The following DMXL1 variants were observed in gnomAD, a reference collection of about 807,000 sequenced individuals.
The protein encoded by DMXL1 is Dmx like 1.
A neutral mutation model predicts 319.2 loss-of-function variants in DMXL1; 99 were observed. The ratio of observed to expected loss-of-function variants is 0.31; its 90% CI spans 0.26 to 0.37. The LOEUF (loss-of-function observed/expected upper bound fraction) is 0.37. Among genes scored for constraint, DMXL1 ranks in the 10% least tolerant of loss-of-function variants. The probability of loss-of-function intolerance (pLI) is 1.00; values close to 1 mark genes in which losing one functional copy is unlikely to be tolerated. For missense variants in DMXL1, 3,745 were observed against 3,595.6 expected (o/e 1.04, Z -1.06); for synonymous variants, 1,385 against 1,235.2 (o/e 1.12, Z -2.54).
At chr5:119,210,113 T>C (rs906590963) in intron 34 of DMXL1, among the ~76,000 whole-genome samples, 1 of 151,924 alleles carries the variant, frequency 6.6e-6, no homozygotes, top group Non-Finnish European at 1.5e-5. Context: ...CCCGGCTAAT[T>C]TTTATATTTT....
rs771742385 is a variant in DMXL1, at chr5:119,120,966, C to T, written c.934-5C>T. 4.4e-6 allele frequency: 7 copies of T among 1,602,552 alleles called. No homozygotes were observed. In the South Asian group the frequency reaches 7.9e-5, roughly 18 times the overall value. On this transcript the variant is annotated splice_region_variant and splice_polypyrimidine_tract_variant and intron_variant, in intron 8 of 43. Transcript: ENST00000539542. Reference sequence around the variant, plus strand: ...TAGGTATTAGTTTTGTTTCTATTCACACAGGTAAATCTGAGACATTTTCGT... The same window carrying T: ...TAGGTATTAGTTTTGTTTCTATTCATACAGGTAAATCTGAGACATTTTCGT...
chr5:119,151,875 C>G (rs919340436), intron 18 of DMXL1, 54 bp from the exon 19 acceptor site: 8 of 1,213,174 alleles, frequency 6.6e-6, no homozygotes, highest in South Asian at 1.2e-5. Flanking sequence ...ATTGGGTGTT[C>G]TTTTGCTTAC....
Position 119,166,607 on chromosome 5 carries a change from C to A in DMXL1, c.4971-9C>A. On this transcript the variant is annotated splice_polypyrimidine_tract_variant and intron_variant, in intron 21 of 43. Transcript: ENST00000539542. ...CCAAAATTTTCACACCATTTTTTTT[C>A]CTTTATAGAGCTGAAAAAAACACCA... 1 of 1,579,634 alleles carries A rather than the reference C, an allele frequency of 6.3e-7. No homozygotes were observed. The highest frequency in any genetic ancestry group is 1.2e-5 in the South Asian group (1 of 83,322).
intron 31 of DMXL1, among the ~76,000 whole-genome samples, chr5:119,197,191 A>G (rs868666053): frequency 3.9e-5 from 6 of 152,188 alleles, no homozygotes; most frequent in African/African-American, 1.4e-4. Flanking sequence ...GTTATATGCC[A>G]TACAGAAATT....
At chr5:119,143,773 A>G in intron 13 of DMXL1, 68 bp from the exon 14 acceptor site, 1 of 1,064,338 alleles carries the variant, frequency 9.4e-7, no homozygotes, top group Non-Finnish European at 1.4e-6. Flanking sequence ...TATGCTTGAA[A>G]TTTTGTTATT....
chr5:119,204,558 GTT>G (rs746507917), intron 33 of DMXL1, among the ~76,000 whole-genome samples: 3 of 137,590 alleles, frequency 2.2e-5, no homozygotes, highest in African/African-American at 5.3e-5. Flanking sequence ...ATCATAATGG[GTT>G]TTTTTTTTTT....
intron 24 of DMXL1, 22 bp downstream of exon 24, chr5:119,171,302 C>CA (rs1429919184): frequency 6.4e-7 from 1 of 1,552,012 alleles, no homozygotes; most frequent in Non-Finnish European, 8.7e-7. Flanking sequence ...ACTTGATAGT[C>CA]AAAAATGGTA....
intron 35 of DMXL1, among the ~76,000 whole-genome samples, chr5:119,220,228 A>G (rs1008593509): frequency 1.3e-5 from 2 of 152,166 alleles, no homozygotes; most frequent in Non-Finnish European, 2.9e-5. Context: ...CAGTACTGGG[A>G]GAGGAAATAA....
chr5:119,177,234 A>C, intron 26 of DMXL1, 123 bp from the exon 27 acceptor site: 1 of 565,040 alleles, frequency 1.8e-6, no homozygotes, highest in Non-Finnish European at 3.0e-6. Context: ...TGTACATTAT[A>C]TTACTTAGAT....
At chr5:119,076,259 A>G (rs1489210908) in intron 1 of DMXL1, among the ~76,000 whole-genome samples, 3 of 152,236 alleles carry the variant, frequency 2.0e-5, no homozygotes, top group Admixed American at 6.5e-5. Context: ...TGTGAGTGTC[A>G]TTAGAGAAAT....
chr5:119,165,331 A>T (rs1451112711), intron 21 of DMXL1, 51 bp downstream of exon 21: 2 of 959,612 alleles, frequency 2.1e-6, no homozygotes, highest in Non-Finnish European at 3.2e-6. Context: ...AAACCTGTTC[A>T]TAAGAAGTAA....
At chr5:119,134,982 A>G (rs1450068022) in intron 13 of DMXL1, among the ~76,000 whole-genome samples, 5 of 152,184 alleles carry the variant, frequency 3.3e-5, no homozygotes, top group African/African-American at 9.7e-5. Flanking sequence ...CAAGCTTTCT[A>G]TTTAGGAGAT....
At chr5:119,159,858 A>T (rs757078405) in intron 19 of DMXL1, among the ~76,000 whole-genome samples, 5 of 152,172 alleles carry the variant, frequency 3.3e-5, no homozygotes, top group Non-Finnish European at 5.9e-5. Context: ...TCCTGGTCTC[A>T]AGTGATCTGC....
chr5:119,071,694 C>A lies in DMXL1; in HGVS notation c.87+38C>A. 6 of 1,542,686 alleles carry A rather than the reference C, an allele frequency of 3.9e-6. 1 individual carries two copies. Among genetic ancestry groups the A allele is most frequent in the Middle Eastern group, 4.3e-4 (2 of 4,666 alleles). Reference sequence around the variant, plus strand: ...GGCCCTCGCGTCGCCCGTGGCCCGGCCTTTGCCCGTCATTCTGGGCCGAGC... The same window carrying A: ...GGCCCTCGCGTCGCCCGTGGCCCGGACTTTGCCCGTCATTCTGGGCCGAGC... On this transcript the variant is annotated intron_variant, in intron 1 of 43. Coordinates refer to ENST00000539542, the MANE Select transcript of DMXL1 (RefSeq NM_001290321.3).
Position 119,164,665 on chromosome 5 carries a change from T to G in DMXL1, c.4861T>G (p.Cys1621Gly). 6.3e-7 allele frequency: 1 copy of G among 1,593,892 alleles called. No homozygotes were observed. The highest frequency in any genetic ancestry group is 8.6e-7 in the Non-Finnish European group (1 of 1,167,580). ...WVRNTRILRK[C>G]IEKVAKAAFY... is the part of the protein sequence containing the mutation. ...CCGGAATACCCGCATCTTACGCAAA[T>G]GCATAGAAAAAGTAAGTGTTTTATT... The change falls in exon 20 of 44, where the codon TGC becomes GGC. Residue 1621 changes from cysteine to glycine, a missense_variant. Around this residue, in one of 4 missense-constraint regions of DMXL1, gnomAD observed 2,096 missense variants for 1,985.4 expected, o/e 1.06. Transcript: ENST00000539542.
At chr5:119,135,372 C>A (rs1470480945) in intron 13 of DMXL1, among the ~76,000 whole-genome samples, 1 of 152,072 alleles carries the variant, frequency 6.6e-6, no homozygotes, top group African/African-American at 2.4e-5. Flanking sequence ...AAGTAAGTTG[C>A]TGGTCAGGGA....
In DMXL1 at chr5:119,151,193, A is replaced by G. The variant is rs556114072; in HGVS notation, c.4595-736A>G. On this transcript the variant is annotated intron_variant, in intron 18 of 43. Transcript: ENST00000539542. ...AATGTATGCTCCTACCTAGAAAAGC[A>G]TAATGTAATTAGGTCTTTTCCTCAC... Among the ~76,000 whole-genome samples the G allele has an allele frequency of 1.7e-4, 26 of 152,222 alleles. No individual in the cohort carries two copies. The South Asian group carries it at 5.0e-3, about 29-fold the overall frequency.
chr5:119,123,314 G>T (rs1182205039), intron 9 of DMXL1, among the ~76,000 whole-genome samples: 3 of 148,988 alleles, frequency 2.0e-5, no homozygotes, highest in South Asian at 4.3e-4. Flanking sequence ...AGGGGAGACC[G>T]TGGAAAGGGG....
intron 32 of DMXL1, among the ~76,000 whole-genome samples, 179 bp downstream of exon 32, chr5:119,198,135 C>A (rs1779993440): frequency 6.6e-6 from 1 of 152,002 alleles, no homozygotes; most frequent in Non-Finnish European, 1.5e-5. Context: ...ATTACAGGCG[C>A]CTGCCACCAC....
Sources: allele counts gnomAD v4.1 joint callset (sites outside exome capture counted in the v4.1 genomes callset), GRCh38; gene constraint gnomAD v4.1.1; regional missense constraint gnomAD v4.1.1; transcripts MANE v1.5; gene names NCBI Gene and HGNC (gene_info 2026-07-23, HGNC 2026-07-21).